The following DGKH variants were observed in gnomAD, a reference collection of about 807,000 sequenced individuals.
The protein encoded by DGKH is DAG kinase eta.
A neutral mutation model predicts 159.3 loss-of-function variants in DGKH; 90 were observed. The observed-to-expected ratio is 0.57, with a 90% CI of 0.48 to 0.67. DGKH has a LOEUF of 0.67. Among genes scored for constraint, DGKH ranks in the 30% least tolerant of loss-of-function variants. The pLI, the probability that DGKH is intolerant of heterozygous loss-of-function variation, is 0.00. For synonymous variants in DGKH, 536 were observed against 553.8 expected (o/e 0.97, Z 0.45); for missense variants, 1,181 against 1,506.1 (o/e 0.78, Z 3.57).
At chr13:42,153,559 G>T (rs1404740518) in intron 3 of DGKH, among the ~76,000 whole-genome samples, 2 of 152,198 alleles carry the variant, frequency 1.3e-5, no homozygotes, top group Non-Finnish European at 2.9e-5. Flanking sequence ...GAAAACATCA[G>T]TGAGTCCAGT....
intron 1 of DGKH, among the ~76,000 whole-genome samples, chr13:42,086,849 A>G (rs1024464890): frequency 1.4e-4 from 22 of 152,102 alleles, no homozygotes; most frequent in African/African-American, 5.1e-4. Context: ...AGAATGCCCT[A>G]TGGTCTTGTT....
Position 42,127,351 on chromosome 13 carries a change from A to G in DGKH, c.193-112A>G. 3 of 775,134 alleles carry G rather than the reference A, an allele frequency of 3.9e-6. No individual in the cohort carries two copies. In the South Asian group the frequency reaches 5.2e-5, roughly 13 times the overall value. 48.0% of individuals were successfully genotyped at this position (775,134 alleles called of 1,614,324 possible). A position where few individuals can be genotyped will look rare whatever the true frequency, so the allele number is the denominator to read the frequency against. On this transcript the variant is annotated intron_variant, in intron 1 of 29. Transcript: ENST00000337343. ...GTAAAATATTCTCCTGTAATTTGTA[A>G]GACATGAGAAATATTATTCAAAATG...
At chr13:42,075,707 A>G (rs952895666) in intron 1 of DGKH, among the ~76,000 whole-genome samples, 2 of 152,162 alleles carry the variant, frequency 1.3e-5, no homozygotes, top group Non-Finnish European at 2.9e-5. Context: ...GCCATGATGG[A>G]TGTTCATCCA....
chr13:42,099,456 G>T (rs993335534), intron 1 of DGKH, among the ~76,000 whole-genome samples: 1 of 152,188 alleles, frequency 6.6e-6, no homozygotes, highest in Non-Finnish European at 1.5e-5. Flanking sequence ...CACTGGGTCT[G>T]TGGCAGCATG....
chr13:42,115,790 T>C lies in DGKH; in HGVS notation c.193-11673T>C, dbSNP rs147360781. 8.1e-3 allele frequency among the ~76,000 whole-genome samples: 1,236 copies of C among 152,248 alleles called. 12 individuals carry two copies. The highest frequency in any genetic ancestry group is 0.027 in the African/African-American group (1,138 of 41,528). ...GGGTGATGGGTACACCTTGAACATATTGAACCAGAGTTTGGCAGTTTTTCA... is the reference window on the plus strand; with the variant it reads ...GGGTGATGGGTACACCTTGAACATACTGAACCAGAGTTTGGCAGTTTTTCA... On this transcript the variant is annotated intron_variant, in intron 1 of 29. Transcript: ENST00000337343.
intron 28 of DGKH, 141 bp downstream of exon 28, chr13:42,219,935 T>C (rs990842424): frequency 3.0e-6 from 2 of 669,616 alleles, no homozygotes; most frequent in African/African-American, 3.7e-5. Flanking sequence ...TGTCATTGAA[T>C]TCTATGCTTT....
chr13:42,156,009 TA>T (rs145203018), intron 5 of DGKH, among the ~76,000 whole-genome samples: 19,221 of 148,712 alleles, frequency 0.13, 1,576 homozygotes, highest in Admixed American at 0.22. Flanking sequence ...AACTACTGTC[TA>T]AAAAAAAAAA....
chr13:42,207,023 C>CTTTCTTTCTTTCTTTT (rs973643694), intron 21 of DGKH, among the ~76,000 whole-genome samples: 1 of 49,022 alleles, frequency 2.0e-5, no homozygotes, highest in Non-Finnish European at 4.7e-5. Context: ...TTCTTTCTTT[C>CTTTCTTTCTTTCTTTT]TTTTTCTTTC....
chr13:42,136,932 C>G (rs914076808), intron 3 of DGKH, among the ~76,000 whole-genome samples: 1 of 152,088 alleles, frequency 6.6e-6, no homozygotes, highest in African/African-American at 2.4e-5. Context: ...TAAAAAGACA[C>G]CAATAAACAT....
chr13:42,252,680 A>T (rs570361896), intron 30 of DGKH, among the ~76,000 whole-genome samples: 4 of 152,194 alleles, frequency 2.6e-5, no homozygotes, highest in Non-Finnish European at 5.9e-5. Context: ...CGCTAATTCT[A>T]TATGCTAAAT....
intron 1 of DGKH, chr13:42,070,340 C>T (rs1882877184): frequency 7.1e-7 from 1 of 1,411,056 alleles, no homozygotes; most frequent in Admixed American, 1.7e-5. Flanking sequence ...TCCTCATGTG[C>T]AACAGGAATA....
chr13:42,110,139 C>T (rs1407632072), intron 1 of DGKH, among the ~76,000 whole-genome samples: 3 of 152,108 alleles, frequency 2.0e-5, no homozygotes, highest in African/African-American at 7.2e-5. Context: ...AGATCTTTTG[C>T]GTGAAATGCT....
chr13:42,060,831 A>C (rs1593966167), intron 1 of DGKH, among the ~76,000 whole-genome samples: 2 of 152,328 alleles, frequency 1.3e-5, no homozygotes, highest in Admixed American at 6.5e-5. Flanking sequence ...TTTAGAAATA[A>C]GAAAACCAAA....
chr13:42,217,865 C>G (rs1037876251), intron 26 of DGKH, among the ~76,000 whole-genome samples: 1 of 152,094 alleles, frequency 6.6e-6, no homozygotes, highest in Non-Finnish European at 1.5e-5. Context: ...GAAACCCCAT[C>G]TCTACTAAAA....
chr13:42,103,995 A>G (rs866550224), intron 1 of DGKH, among the ~76,000 whole-genome samples: 8 of 152,240 alleles, frequency 5.3e-5, no homozygotes, highest in Admixed American at 2.0e-4. Flanking sequence ...AAATGTCAGA[A>G]ATGCAGTGGC....
chr13:42,210,844 G>T, intron 24 of DGKH, 79 bp downstream of exon 24: 1 of 1,293,688 alleles, frequency 7.7e-7, no homozygotes, highest in Admixed American at 2.4e-5. Flanking sequence ...TTAATACATT[G>T]TTTCAGTAGT....
chr13:42,077,805 A>G (rs1176806468), intron 1 of DGKH, among the ~76,000 whole-genome samples: 1 of 152,206 alleles, frequency 6.6e-6, no homozygotes, highest in Non-Finnish European at 1.5e-5. Context: ...TAGAATTAGG[A>G]TAAAAATATC....
chr13:42,158,112 A>G (rs1233012401), intron 5 of DGKH, among the ~76,000 whole-genome samples: 1 of 152,210 alleles, frequency 6.6e-6, no homozygotes, highest in Non-Finnish European at 1.5e-5. Context: ...CCATTTGTAC[A>G]TAGACTAGTC....
chr13:42,227,527 T>C (rs760369314), intron 29 of DGKH, among the ~76,000 whole-genome samples: 1 of 152,230 alleles, frequency 6.6e-6, no homozygotes, highest in Non-Finnish European at 1.5e-5. Context: ...TGTAAACGCA[T>C]GTACATTTCA....
Sources: gnomAD v4.1 joint callset for allele counts (sites outside exome capture counted in the v4.1 genomes callset) on GRCh38, gnomAD v4.1.1 for gene constraint, MANE v1.5 for transcripts, NCBI Gene and HGNC (gene_info 2026-07-23, HGNC 2026-07-21) for gene names.